Variants in AP1S3 observed in about 807,000 individuals in gnomAD.
AP1S3 encodes the protein adaptor related protein complex 1 subunit sigma 3.
Under a neutral mutation model 20.9 loss-of-function variants are expected in AP1S3, and 10 were observed. The observed-to-expected ratio is 0.48, with a 90% CI of 0.29 to 0.81. The LOEUF (loss-of-function observed/expected upper bound fraction) is 0.81, where lower values mean the gene tolerates loss of function less well. AP1S3 is among the 30% of genes least tolerant of loss of function. AP1S3 has a pLI of 0.08. For synonymous variants in AP1S3, 41 were observed against 61.5 expected, an observed-to-expected ratio of 0.67 and a Z score of 1.56; for missense variants, 154 against 183.8, an observed-to-expected ratio of 0.84 and a Z score of 0.94.
At chr2:223,771,210 G>A (rs1401513932) in intron 3 of AP1S3, among the ~76,000 whole-genome samples, 4 of 151,972 alleles carry the variant, frequency 2.6e-5, no homozygotes, top group Non-Finnish European at 4.4e-5. Flanking sequence ...GGTGGCACAC[G>A]CCTGTAATCC....
At position 223,765,398 on chromosome 2, in the gene AP1S3, G is replaced by A. The variant is rs779644579; in HGVS notation, c.292-48C>T. On this transcript the variant is annotated intron_variant, in intron 3 of 4. Coordinates refer to ENST00000396654, the MANE Select transcript of AP1S3 (RefSeq NM_001039569.2). ...TTTGATAAACTTGCAGTTGTATCAG[G>A]GGAAACATCTGCCCGAATCTCGAGC... 7 of 1,562,560 alleles carry A rather than the reference G, an allele frequency of 4.5e-6. No homozygotes were observed. In the Admixed American group the frequency reaches 1.4e-4, roughly 31 times the overall value.
intron 1 of AP1S3, among the ~76,000 whole-genome samples, chr2:223,790,661 A>G (rs1691195991): frequency 6.6e-6 from 1 of 152,194 alleles, no homozygotes; most frequent in Admixed American, 6.5e-5. Context: ...GATAGTATAT[A>G]TTTATGGTAT....
chr2:223,812,953 G>T (rs1017477274), intron 1 of AP1S3, among the ~76,000 whole-genome samples: 1 of 151,678 alleles, frequency 6.6e-6, no homozygotes, highest in Non-Finnish European at 1.5e-5. Context: ...ATTTGAGATA[G>T]AGTCCTGTTC....
chr2:223,776,078 C>T (rs568343914), intron 2 of AP1S3, 69 bp from the exon 3 acceptor site: 70 of 1,200,098 alleles, frequency 5.8e-5, no homozygotes, highest in African/African-American at 5.3e-4. Context: ...GTTTTTCCCA[C>T]GAATATGCAG....
At chr2:223,770,497 T>TACAC (rs58486635) in intron 3 of AP1S3, among the ~76,000 whole-genome samples, 6,210 of 141,642 alleles carry the variant, frequency 0.044, 151 homozygotes, top group Admixed American at 0.049. Context: ...AGAGAGACAA[T>TACAC]ACACACACAC....
intron 1 of AP1S3, among the ~76,000 whole-genome samples, chr2:223,817,207 T>C (rs896108663): frequency 2.0e-5 from 3 of 152,162 alleles, no homozygotes; most frequent in Non-Finnish European, 2.9e-5. Context: ...CACAACGTAA[T>C]GTTAGTAAGA....
At chr2:223,788,249 A>C (rs936572290) in intron 1 of AP1S3, among the ~76,000 whole-genome samples, 1 of 150,748 alleles carries the variant, frequency 6.6e-6, no homozygotes, top group Non-Finnish European at 1.5e-5. Flanking sequence ...GCCAGGCTGG[A>C]CTGCCACAGT....
intron 1 of AP1S3, among the ~76,000 whole-genome samples, chr2:223,780,351 A>AGTGTGTGTGTGT (rs1416516684): frequency 4.8e-5 from 3 of 62,208 alleles, no homozygotes; most frequent in Non-Finnish European, 8.2e-5. Flanking sequence ...AGAGAGAGAG[A>AGTGTGTGTGTGT]GAGAGAGTGT....
chr2:223,799,957 T>A (rs1228263989), intron 1 of AP1S3, among the ~76,000 whole-genome samples: 1 of 152,102 alleles, frequency 6.6e-6, no homozygotes, highest in African/African-American at 2.4e-5. Context: ...ACACCTGTAA[T>A]CCCAGCACTT....
In AP1S3 at chr2:223,758,218, G is replaced by A. The variant is rs1690270362; in HGVS notation, c.*497C>T. On this transcript the variant is annotated 3_prime_UTR_variant, in exon 5 of 5. Coordinates refer to ENST00000396654, the MANE Select transcript of AP1S3 (RefSeq NM_001039569.2). The stretch of plus-strand genomic sequence containing the variant: ...AATTGCAGTTACAGTACTATTAAGT[G>A]TATGAAAAATGTCTAGCATTACATA... The A allele has an allele frequency of 1.0e-6, 1 of 979,468 alleles. No homozygotes were observed. The allele number at this position is 979,468 out of a possible 1,614,324, so 60.7% of individuals were successfully genotyped here.
At chr2:223,826,325 G>A (rs12466483) in intron 1 of AP1S3, among the ~76,000 whole-genome samples, 21,138 of 152,120 alleles carry the variant, frequency 0.14, 2,047 homozygotes, top group East Asian at 0.41. Context: ...AGGTATGGTG[G>A]CTTATGCCTG....
chr2:223,757,915 TATTA>T lies in AP1S3; in HGVS notation c.*796_*799del, dbSNP rs1347184462. ...AAATAGTAGCAATAATTATTATTGC[TATTA>T]ATTCTTATCATACTATTTTAGAATA... On this transcript the variant is annotated 3_prime_UTR_variant, in exon 5 of 5. Coordinates refer to ENST00000396654, the MANE Select transcript of AP1S3 (RefSeq NM_001039569.2). 1.0e-5 allele frequency: 10 copies of T among 973,948 alleles called. No individual in the cohort carries two copies. The highest frequency in any genetic ancestry group is 1.8e-5 in the African/African-American group (1 of 56,964). 60.3% of individuals were successfully genotyped at this position (973,948 alleles called of 1,614,324 possible).
At chr2:223,770,238 G>A in intron 3 of AP1S3, 1 of 1,550,832 alleles carries the variant, frequency 6.4e-7, no homozygotes, top group Non-Finnish European at 8.7e-7. Flanking sequence ...ATAGTAGCAA[G>A]CTGAGGAACC....
intron 4 of AP1S3, among the ~76,000 whole-genome samples, chr2:223,761,032 A>G (rs1228808205): frequency 6.6e-6 from 1 of 152,194 alleles, no homozygotes; most frequent in Non-Finnish European, 1.5e-5. Context: ...TCAGTCTGCT[A>G]AACACCACAC....
intron 1 of AP1S3, among the ~76,000 whole-genome samples, chr2:223,787,637 C>CAG (rs1331008493): frequency 6.6e-6 from 1 of 152,214 alleles, no homozygotes. Context: ...AGGGATAAGG[C>CAG]AGAGTTCTGA....
At chr2:223,819,392 G>A (rs1309484076) in intron 1 of AP1S3, among the ~76,000 whole-genome samples, 1 of 152,122 alleles carries the variant, frequency 6.6e-6, no homozygotes, top group Non-Finnish European at 1.5e-5. Context: ...TGGAGAAAAA[G>A]CACACTCTGT....
chr2:223,761,639 TG>T, intron 4 of AP1S3, among the ~76,000 whole-genome samples: 1 of 152,336 alleles, frequency 6.6e-6, no homozygotes, highest in South Asian at 2.1e-4. Flanking sequence ...TTGCCTAGGC[TG>T]GTCTCAAAAC....
intron 1 of AP1S3, among the ~76,000 whole-genome samples, chr2:223,824,223 G>C (rs778930689): frequency 6.6e-6 from 1 of 151,808 alleles, no homozygotes; most frequent in Non-Finnish European, 1.5e-5. Flanking sequence ...GGCTGGCCTC[G>C]AACTTTTGGG....
intron 1 of AP1S3, among the ~76,000 whole-genome samples, chr2:223,782,035 A>G (rs1690961650): frequency 6.8e-6 from 1 of 146,060 alleles, no homozygotes; most frequent in Admixed American, 7.0e-5. Flanking sequence ...TTTTTTAGAC[A>G]GAGTCTCACT....
Sources: allele counts gnomAD v4.1 joint callset (sites outside exome capture counted in the v4.1 genomes callset), GRCh38; gene constraint gnomAD v4.1.1; transcripts MANE v1.5; gene names NCBI Gene and HGNC (gene_info 2026-07-23, HGNC 2026-07-21).